Variants in AXL observed in about 807,000 individuals in gnomAD.
AXL encodes the protein AXL receptor tyrosine kinase.
A neutral mutation model predicts 104.5 loss-of-function variants in AXL; 52 were observed. The observed-to-expected ratio is 0.50, with a 90% confidence interval of 0.40 to 0.63. The LOEUF (loss-of-function observed/expected upper bound fraction) is 0.63. Among genes scored for constraint, AXL ranks in the 20% least tolerant of loss-of-function variants. The pLI is 0.00. For synonymous variants in AXL, 455 were observed against 473.7 expected (o/e 0.96, Z 0.51); for missense variants, 1,024 against 1,188.5 (o/e 0.86, Z 2.04).
rs746456055 is a variant in AXL at position 41,253,586 on chromosome 19, C to G, written c.1927-13C>G. The G allele has an allele frequency of 6.2e-7, 1 of 1,604,714 alleles. No individual in the cohort carries two copies. The highest frequency in any genetic ancestry group is 8.5e-7 in the Non-Finnish European group (1 of 1,172,678). ...TCTGTTGACCTCTCCTCCCACCTGC[C>G]TTGGCTCCCCAGTACCTGCCCACTC... is the stretch of plus-strand genomic sequence containing the variant. On this transcript the variant is annotated splice_polypyrimidine_tract_variant and intron_variant, in intron 16 of 19. Transcript: ENST00000301178.
At chr19:41,230,573 CCTGTGTGTGG>C (rs2033966437) in intron 4 of AXL, among the ~76,000 whole-genome samples, 1 of 140,866 alleles carries the variant, frequency 7.1e-6, no homozygotes, top group African/African-American at 2.7e-5. Context: ...TGTGCCTGTG[CCTGTGTGTGG>C]CTGTGTGTGT....
chr19:41,222,279 T>C (rs1184047393), intron 4 of AXL, among the ~76,000 whole-genome samples: 1 of 152,058 alleles, frequency 6.6e-6, no homozygotes. Flanking sequence ...TCTTGGTGTG[T>C]GTGTCTTTCT....
chr19:41,252,845 G>A lies in AXL; in HGVS notation c.1805-1G>A, dbSNP rs1325318870. On this transcript the variant is annotated splice_acceptor_variant, in intron 15 of 19. Transcript: ENST00000301178. LOFTEE classifies it high-confidence loss of function. The stretch of plus-strand genomic sequence containing the variant: ...GTGACAGGGCTACCTGGGGGGCTCA[G>A]GTGTCTGTTTCCAGGGTTCTGAACG... 2 of 1,613,854 alleles carry A rather than the reference G, an allele frequency of 1.2e-6. No homozygotes were observed. Among genetic ancestry groups the A allele is most frequent in the Middle Eastern group, 1.7e-4 (1 of 5,850 alleles).
chr19:41,231,336 C>G (rs767132376), intron 6 of AXL, 38 bp downstream of exon 6: 7 of 1,552,634 alleles, frequency 4.5e-6, no homozygotes, highest in Non-Finnish European at 6.2e-6. Flanking sequence ...AGTCTCAGGC[C>G]TCCTTCCACC....
intron 1 of AXL, chr19:41,220,387 G>A (rs911465142): frequency 6.2e-6 from 3 of 482,482 alleles, no homozygotes; most frequent in South Asian, 4.4e-5. Flanking sequence ...AGTGCAGGGC[G>A]TGGGAGGCTG....
intron 17 of AXL, 56 bp downstream of exon 17, chr19:41,253,764 G>A: frequency 1.5e-6 from 2 of 1,368,584 alleles, no homozygotes; most frequent in East Asian, 2.3e-5. Context: ...CCCTGAGGGA[G>A]TTCCCTCCCT....
chr19:41,221,179 G>GT lies in AXL; in HGVS notation c.343dup (p.Tyr115LeufsTer95). ...CCCTGCAGCTTTCCGACACGGGACA[G>GT]TACCAGTGTTTGGTGTTTCTGGGAC... is the stretch of plus-strand genomic sequence containing the variant. On this transcript the variant is annotated frameshift_variant, in exon 3 of 20. Coordinates refer to ENST00000301178, the MANE Select transcript of AXL (RefSeq NM_021913.5). LOFTEE classifies it high-confidence loss of function. 6.2e-7 allele frequency: 1 copy of GT among 1,614,106 alleles called. No individual in the cohort carries two copies. Among genetic ancestry groups the GT allele is most frequent in the Admixed American group, 1.7e-5 (1 of 59,992 alleles).
chr19:41,239,780 G>A, intron 10 of AXL, 60 bp downstream of exon 10: 1 of 1,587,796 alleles, frequency 6.3e-7, no homozygotes. Flanking sequence ...TGGGGGCACT[G>A]TCACCATGCA....
chr19:41,226,714 T>A (rs1039732540), intron 4 of AXL: 2 of 984,230 alleles, frequency 2.0e-6, no homozygotes, highest in Non-Finnish European at 2.4e-6. Flanking sequence ...ACACGCAGGG[T>A]CACAAACATA....
At chr19:41,239,467 C>T (rs940630434) in intron 9 of AXL, among the ~76,000 whole-genome samples, 153 bp downstream of exon 9, 3 of 151,610 alleles carry the variant, frequency 2.0e-5, no homozygotes, top group Admixed American at 2.0e-4. Flanking sequence ...CCCATGCCAA[C>T]CCCTCACTCC....
In AXL at chr19:41,253,668, A is replaced by G. The variant is rs757641171; in HGVS notation, c.1996A>G (p.Lys666Glu). Reference protein sequence around the residue: ...IASGMEYLSTKRFIHRDLAAR... With the variant: ...IASGMEYLSTERFIHRDLAAR... ...CAGTGGCATGGAGTATCTGAGTACCAAGAGATTCATACACCGGGACCTGGC... is the reference window on the plus strand; with the variant it reads ...CAGTGGCATGGAGTATCTGAGTACCGAGAGATTCATACACCGGGACCTGGC... The change falls in exon 17 of 20, where the codon AAG (lysine) becomes GAG (glutamate). Residue 666 changes from lysine (K) to glutamate (E), a missense_variant. Physicochemically the swap from Lys to Glu is moderately conservative, Grantham distance 56 (BLOSUM62 1). Coordinates refer to ENST00000301178, the MANE Select transcript of AXL (RefSeq NM_021913.5). 1 of 1,613,514 alleles carries G rather than the reference A, an allele frequency of 6.2e-7. No individual in the cohort carries two copies. Among genetic ancestry groups the G allele is most frequent in the Non-Finnish European group, 8.5e-7 (1 of 1,179,798 alleles).
At chr19:41,239,774 G>A (rs1055662525) in intron 10 of AXL, 54 bp downstream of exon 10, 1 of 1,600,924 alleles carries the variant, frequency 6.2e-7, no homozygotes, top group Non-Finnish European at 8.6e-7. Context: ...ACCTAGTGGG[G>A]GCACTGTCAC....
intron 9 of AXL, 87 bp from the exon 10 acceptor site, chr19:41,239,607 C>G: frequency 6.5e-7 from 1 of 1,537,190 alleles, no homozygotes; most frequent in South Asian, 1.1e-5. Context: ...CACTCCCTTA[C>G]CCGTGCCACA....
At chr19:41,252,176 GAC>G (rs1312788306) in intron 14 of AXL, among the ~76,000 whole-genome samples, 173 bp from the exon 15 acceptor site, 1 of 144,414 alleles carries the variant, frequency 6.9e-6, no homozygotes, top group East Asian at 2.0e-4. Context: ...CACACACACA[GAC>G]ACACACACAT....
In AXL at chr19:41,259,826, C is replaced by T. The variant is rs2122299353; in HGVS notation, c.2607C>T (p.Cys869=). The T allele has an allele frequency of 1.9e-6, 3 of 1,613,914 alleles. No homozygotes were observed. Among genetic ancestry groups the T allele is most frequent in the Non-Finnish European group, 2.5e-6 (3 of 1,179,920 alleles). ...EVHPAGRYVL[C]PSTTPSPAQP... is the part of the protein sequence containing the mutation. ...ATCCTGCTGGACGCTATGTCCTCTG[C>T]CCTTCCACAACCCCTAGCCCCGCTC... The change falls in exon 20 of 20, where the codon TGC becomes TGT. Residue 869 remains cysteine (C), a synonymous_variant. Transcript: ENST00000301178.
At chr19:41,229,671 T>A (rs1245862941) in intron 4 of AXL, among the ~76,000 whole-genome samples, 1 of 152,192 alleles carries the variant, frequency 6.6e-6, no homozygotes, top group Non-Finnish European at 1.5e-5. Context: ...TGTGGAAGAC[T>A]GTTTTGAGCA....
rs760376383 is a variant in AXL at position 41,220,832 on chromosome 19, T to A, written c.282T>A (p.Asp94Glu). Residue 94 changes from aspartate to glutamate, a missense_variant, in exon 2 of 20, where the codon GAT (aspartate) becomes GAA (glutamate). By Grantham distance (45) the Asp-to-Glu change is conservative (BLOSUM62 2). Transcript: ENST00000301178. ...TGCCCCTGGGTGAGGATGAACAGGATGACTGGATAGTGGTCAGCCAGCTCA... is the reference window on the plus strand; with the variant it reads ...TGCCCCTGGGTGAGGATGAACAGGAAGACTGGATAGTGGTCAGCCAGCTCA... ...TQVPLGEDEQ[D>E]DWIVVSQLRI... 2 of 1,613,932 alleles carry A rather than the reference T, an allele frequency of 1.2e-6. No individual in the cohort carries two copies. Among genetic ancestry groups the A allele is most frequent in the East Asian group, 4.5e-5 (2 of 44,850 alleles).
chr19:41,235,144 G>T (rs2034056503), intron 6 of AXL, among the ~76,000 whole-genome samples: 2 of 152,092 alleles, frequency 1.3e-5, no homozygotes, highest in Non-Finnish European at 2.9e-5. Context: ...CTGAGGTAGG[G>T]AGTTTGAGAC....
intron 12 of AXL, among the ~76,000 whole-genome samples, chr19:41,244,218 A>C (rs1413683566): frequency 3.3e-5 from 5 of 152,120 alleles, no homozygotes; most frequent in African/African-American, 9.7e-5. Context: ...AAAGAAAAAA[A>C]AATAAAAGAA....
Sources: allele counts gnomAD v4.1 joint callset (sites outside exome capture counted in the v4.1 genomes callset), GRCh38; gene constraint gnomAD v4.1.1; transcripts MANE v1.5; gene names NCBI Gene and HGNC (gene_info 2026-07-23, HGNC 2026-07-21).